The following NCOR1 variants were observed in gnomAD, a reference collection of about 807,000 sequenced individuals.
NCOR1 encodes the protein protein phosphatase 1, regulatory subunit 109.
A neutral mutation model predicts 288.1 loss-of-function variants in NCOR1; 63 were observed. The observed-to-expected ratio is 0.22, with a 90% CI of 0.18 to 0.27. NCOR1 has a LOEUF of 0.27. Among genes scored for constraint, NCOR1 ranks in the 10% least tolerant of loss-of-function variants. The probability of loss-of-function intolerance (pLI) is 1.00; values close to 1 mark genes in which losing one functional copy is unlikely to be tolerated. For synonymous variants in NCOR1, 1,007 were observed against 1,065.9 expected (o/e 0.94, Z 1.08); for missense variants, 2,397 against 3,019.2 (o/e 0.79, Z 4.83).
At position 16,199,552 on chromosome 17, in the gene NCOR1, T is replaced by TA. The variant is rs550398914; in HGVS notation, c.-70-4914_-70-4913insT. On this transcript the variant is annotated intron_variant, in intron 1 of 45. Coordinates refer to ENST00000268712, the MANE Select transcript of NCOR1 (RefSeq NM_006311.4). ...CCTTTCCCATCCTTCCCTCCACCCT[T>TA]CACTCTAGTCCTGGCTCACTAAGAT... Among the ~76,000 whole-genome samples, 486 of 152,266 alleles carry TA rather than the reference T, an allele frequency of 3.2e-3. 3 individuals carry two copies. Among genetic ancestry groups the TA allele is most frequent in the Middle Eastern group, 6.8e-3 (2 of 294 alleles).
chr17:16,121,199 G>T lies in NCOR1; in HGVS notation c.1705C>A (p.Pro569Thr), dbSNP rs765840798. The stretch of plus-strand genomic sequence containing the variant: ...CTGTTGGCAGTCTTTCGCCCCCGGG[G>T]TGTGGCTTGCTCTCTTTCCTCAGTT... ...EETEEREQAT[P>T]RGRKTANSQG... Residue 569 changes from proline to threonine, a missense_variant, in exon 16 of 46, where the codon CCC becomes ACC. Pro to Thr is a conservative substitution (Grantham distance 38). Around this residue, in one of 11 missense-constraint regions of NCOR1, gnomAD observed 113 missense variants for 139.5 expected, o/e 0.81. Coordinates refer to ENST00000268712, the MANE Select transcript of NCOR1 (RefSeq NM_006311.4). The T allele has an allele frequency of 6.2e-6, 10 of 1,614,124 alleles. No homozygotes were observed. In the Admixed American group the frequency reaches 6.7e-5, roughly 11 times the overall value.
chr17:16,096,365 G>A (rs917819537), intron 21 of NCOR1, among the ~76,000 whole-genome samples: 12 of 152,012 alleles, frequency 7.9e-5, no homozygotes, highest in African/African-American at 2.9e-4. Flanking sequence ...TCAAAAATGA[G>A]TCAAATTTTA....
At chr17:16,092,651 A>T (rs182516435) in intron 21 of NCOR1, among the ~76,000 whole-genome samples, 448 of 12,324 alleles carry the variant, frequency 0.036, 8 homozygotes, top group East Asian at 0.24. Context: ...ATCCATTTAT[A>T]TATATATATA....
chr17:16,184,779 T>C (rs1025093721), intron 3 of NCOR1, among the ~76,000 whole-genome samples: 1 of 152,256 alleles, frequency 6.6e-6, no homozygotes. Context: ...TTATTGCAGC[T>C]AATTATTCAC....
chr17:16,146,851 C>T (rs1471945420), intron 9 of NCOR1, among the ~76,000 whole-genome samples: 1 of 152,092 alleles, frequency 6.6e-6, no homozygotes, highest in African/African-American at 2.4e-5. Flanking sequence ...TTGCTTAAAA[C>T]ATTATGTCAT....
At chr17:16,110,089 T>C (rs1013736927) in intron 18 of NCOR1, among the ~76,000 whole-genome samples, 10 of 152,194 alleles carry the variant, frequency 6.6e-5, no homozygotes, top group Non-Finnish European at 1.3e-4. Context: ...GCATAGGAGC[T>C]CATGTCTATA....
At chr17:16,163,460 G>A (rs1198796615) in intron 5 of NCOR1, among the ~76,000 whole-genome samples, 1 of 152,124 alleles carries the variant, frequency 6.6e-6, no homozygotes, top group Middle Eastern at 3.4e-3. Context: ...ACTACAACTA[G>A]ATACCACTTC....
chr17:16,166,603 C>T (rs141419057), intron 4 of NCOR1, among the ~76,000 whole-genome samples: 2,242 of 152,022 alleles, frequency 0.015, 52 homozygotes, highest in African/African-American at 0.051. Flanking sequence ...TGGCTTGAAC[C>T]CAGGAGGCAG....
chr17:16,108,577 T>C (rs1393382711), intron 19 of NCOR1, among the ~76,000 whole-genome samples: 1 of 152,216 alleles, frequency 6.6e-6, no homozygotes, highest in Non-Finnish European at 1.5e-5. Context: ...AGGACTGCCA[T>C]TTCCAAGATC....
At position 16,073,557 on chromosome 17, in the gene NCOR1, G is replaced by A. The variant is rs865938254; in HGVS notation, c.3683C>T (p.Ala1228Val). The A allele has an allele frequency of 3.1e-6, 5 of 1,605,634 alleles. No homozygotes were observed. Among genetic ancestry groups the A allele is most frequent in the Non-Finnish European group, 4.3e-6 (5 of 1,176,400 alleles). Residue 1228 changes from alanine (A) to valine (V), a missense_variant, in exon 28 of 46, where the codon GCC (alanine) becomes GTC (valine). Ala to Val is a moderately conservative substitution (Grantham distance 64). Transcript: ENST00000268712. Reference sequence around the variant, plus strand: ...TCTTGGACTCCTAGTCCCTTCTCGGGCATTCTTAATATCTACAGAATACAC... The same window carrying A: ...TCTTGGACTCCTAGTCCCTTCTCGGACATTCTTAATATCTACAGAATACAC... ...HILSYDNIKN[A>V]REGTRSPRTA...
At chr17:16,115,558 C>T (rs189572801) in intron 18 of NCOR1, among the ~76,000 whole-genome samples, 30 of 152,276 alleles carry the variant, frequency 2.0e-4, no homozygotes, top group Admixed American at 6.5e-4. Flanking sequence ...AAATGTCTTC[C>T]GCCAGATAAC....
intron 15 of NCOR1, among the ~76,000 whole-genome samples, chr17:16,125,853 A>G (rs965437650): frequency 2.0e-5 from 3 of 152,066 alleles, no homozygotes; most frequent in Non-Finnish European, 2.9e-5. Context: ...ACATGGATAT[A>G]GAGAGTGGAA....
chr17:16,086,988 A>G (rs1270398877), intron 22 of NCOR1, among the ~76,000 whole-genome samples: 1 of 152,210 alleles, frequency 6.6e-6, no homozygotes, highest in Non-Finnish European at 1.5e-5. Flanking sequence ...TGTGAACACA[A>G]ATTTCCCAGT....
intron 4 of NCOR1, among the ~76,000 whole-genome samples, chr17:16,168,560 C>T (rs1449860246): frequency 6.6e-6 from 1 of 152,090 alleles, no homozygotes; most frequent in Non-Finnish European, 1.5e-5. Flanking sequence ...TACTCTTTTG[C>T]AGGACAATCT....
At chr17:16,070,890 G>A (rs554888114) in intron 30 of NCOR1, among the ~76,000 whole-genome samples, 1 of 152,174 alleles carries the variant, frequency 6.6e-6, no homozygotes, top group South Asian at 2.1e-4. Context: ...TTAGCCAGGC[G>A]TGGTGGCAGG....
intron 4 of NCOR1, among the ~76,000 whole-genome samples, chr17:16,169,866 G>A (rs2153459262): frequency 6.6e-6 from 1 of 152,024 alleles, no homozygotes; most frequent in Middle Eastern, 3.4e-3. Context: ...TAATGCAGCA[G>A]AACATTTCTT....
At chr17:16,079,153 T>G (rs1240632391) in intron 26 of NCOR1, among the ~76,000 whole-genome samples, 1 of 152,134 alleles carries the variant, frequency 6.6e-6, no homozygotes, top group Non-Finnish European at 1.5e-5. Flanking sequence ...AGACTGCCAG[T>G]CCCCACCAAC....
intron 40 of NCOR1, chr17:16,057,212 G>A (rs772628193): frequency 4.1e-5 from 13 of 315,394 alleles, no homozygotes; most frequent in Middle Eastern, 1.1e-3. Context: ...GGTATTATTC[G>A]GAAGCACCAC....
chr17:16,047,162 TAAC>T (rs2058764890), intron 41 of NCOR1, 69 bp from the exon 42 acceptor site: 1 of 1,476,240 alleles, frequency 6.8e-7, no homozygotes, highest in South Asian at 1.4e-5. Flanking sequence ...CTATCAATGA[TAAC>T]AACAGTCAGA....
Sources: gnomAD v4.1 joint callset for allele counts (sites outside exome capture counted in the v4.1 genomes callset) on GRCh38, gnomAD v4.1.1 for gene constraint, gnomAD v4.1.1 regional missense constraint, MANE v1.5 for transcripts, NCBI Gene and HGNC (gene_info 2026-07-23, HGNC 2026-07-21) for gene names.